NSMCE2: variants seen among roughly 807,000 people sequenced by gnomAD.
NSMCE2 encodes NSE2 SUMO ligase component of SMC5/6 complex.
In NSMCE2, 24 loss-of-function variants were observed where a neutral mutation model predicts 23.8. That is an observed-to-expected ratio of 1.01 (90% CI 0.73 to 1.42). NSMCE2 has a LOEUF of 1.42. Among genes scored for constraint, NSMCE2 ranks in the 40% most tolerant of loss-of-function variants. The pLI, the probability that NSMCE2 is intolerant of heterozygous loss-of-function variation, is 0.00. For synonymous variants in NSMCE2, 92 were observed against 94.1 expected, an observed-to-expected ratio of 0.98 and a Z score of 0.13; for missense variants, 284 against 296.5, an observed-to-expected ratio of 0.96 and a Z score of 0.31.
intron 5 of NSMCE2, among the ~76,000 whole-genome samples, chr8:125,195,181 C>A (rs984491360): frequency 1.3e-5 from 2 of 152,062 alleles, no homozygotes; most frequent in African/African-American, 4.8e-5. Context: ...TCACCCATCC[C>A]TAGGCGTCAA....
At chr8:125,342,012 C>G (rs1267174866) in intron 5 of NSMCE2, among the ~76,000 whole-genome samples, 1 of 151,850 alleles carries the variant, frequency 6.6e-6, no homozygotes, top group East Asian at 1.9e-4. Context: ...ATGTTAATTG[C>G]CTCAGGTGGT....
intron 5 of NSMCE2, among the ~76,000 whole-genome samples, chr8:125,318,046 CAT>C (rs1338866998): frequency 6.6e-6 from 1 of 152,046 alleles, no homozygotes; most frequent in Admixed American, 6.6e-5. Flanking sequence ...AATGAAAGCA[CAT>C]AGTTTCAGAA....
In NSMCE2 at chr8:125,257,753, C is replaced by G. The variant is rs184912828; in HGVS notation, c.418+75497C>G. 5.4e-3 allele frequency among the ~76,000 whole-genome samples: 818 copies of G among 152,146 alleles called. 5 individuals carry two copies. The highest frequency in any genetic ancestry group is 9.8e-3 in the Non-Finnish European group (669 of 67,974). On this transcript the variant is annotated intron_variant, in intron 5 of 7. Coordinates refer to ENST00000287437, the MANE Select transcript of NSMCE2 (RefSeq NM_173685.4). ...GTTTCATTGTGTTAGCCAGGATGGTCTCGATCTCCTGACTTCATTATCCGC... is the reference window on the plus strand; with the variant it reads ...GTTTCATTGTGTTAGCCAGGATGGTGTCGATCTCCTGACTTCATTATCCGC...
At chr8:125,098,325 A>G (rs1238248869) in intron 1 of NSMCE2, among the ~76,000 whole-genome samples, 1 of 152,206 alleles carries the variant, frequency 6.6e-6, no homozygotes, top group Non-Finnish European at 1.5e-5. Flanking sequence ...ACAAGTTCAT[A>G]GGTGATGCTG....
chr8:125,358,074 T>G (rs1813361992), intron 7 of NSMCE2, among the ~76,000 whole-genome samples: 1 of 152,210 alleles, frequency 6.6e-6, no homozygotes. Context: ...GGCTCATGCC[T>G]GTAATCCTAG....
chr8:125,231,676 TCAC>T, intron 5 of NSMCE2, among the ~76,000 whole-genome samples: 2 of 152,316 alleles, frequency 1.3e-5, no homozygotes, highest in African/African-American at 2.4e-5. Flanking sequence ...AAATTTTTTT[TCAC>T]TTAAACATAC....
At chr8:125,342,024 G>C (rs1830272383) in intron 5 of NSMCE2, among the ~76,000 whole-genome samples, 1 of 152,164 alleles carries the variant, frequency 6.6e-6, no homozygotes, top group Non-Finnish European at 1.5e-5. Flanking sequence ...TCAGGTGGTG[G>C]GGGGGTTAAG....
intron 5 of NSMCE2, among the ~76,000 whole-genome samples, chr8:125,316,709 T>TC (rs375833656): frequency 0.29 from 31,445 of 109,828 alleles, 5,889 homozygotes; most frequent in Middle Eastern, 0.39. Flanking sequence ...CTTCCTTCCT[T>TC]CTTTCCTTCT....
intron 5 of NSMCE2, among the ~76,000 whole-genome samples, chr8:125,240,784 T>G (rs1013403251): frequency 2.6e-5 from 4 of 152,286 alleles, no homozygotes; most frequent in Non-Finnish European, 4.4e-5. Flanking sequence ...AACAGTAATA[T>G]TTCTTAAATT....
intron 5 of NSMCE2, among the ~76,000 whole-genome samples, chr8:125,327,682 G>T (rs1161297597): frequency 1.5e-5 from 2 of 133,446 alleles, no homozygotes; most frequent in Admixed American, 1.5e-4. Context: ...AATAAAAGGT[G>T]TTAAAAGTAA....
At chr8:125,308,026 AAC>A (rs1828830415) in intron 5 of NSMCE2, among the ~76,000 whole-genome samples, 1 of 152,088 alleles carries the variant, frequency 6.6e-6, no homozygotes, top group South Asian at 2.1e-4. Context: ...CCCCTGTGGA[AAC>A]AGTCTGCCTG....
At chr8:125,187,599 A>G (rs1056636141) in intron 5 of NSMCE2, among the ~76,000 whole-genome samples, 2 of 152,158 alleles carry the variant, frequency 1.3e-5, no homozygotes, top group African/African-American at 2.4e-5. Flanking sequence ...TCATCAAGCA[A>G]TCTTTCTGGC....
At chr8:125,244,109 A>G (rs1474266583) in intron 5 of NSMCE2, among the ~76,000 whole-genome samples, 1 of 152,190 alleles carries the variant, frequency 6.6e-6, no homozygotes, top group Non-Finnish European at 1.5e-5. Flanking sequence ...CTAATGATAA[A>G]TGATTCCTCA....
intron 5 of NSMCE2, among the ~76,000 whole-genome samples, chr8:125,295,553 C>T (rs1423988865): frequency 1.3e-5 from 2 of 152,172 alleles, no homozygotes; most frequent in African/African-American, 4.8e-5. Context: ...TTGGGCTGCA[C>T]ACCCCTGTCT....
intron 3 of NSMCE2, among the ~76,000 whole-genome samples, chr8:125,137,897 A>G (rs1042798413): frequency 1.1e-4 from 16 of 152,234 alleles, no homozygotes; most frequent in Admixed American, 6.5e-5. Context: ...GAGATGATGC[A>G]TGTAAATTGC....
intron 5 of NSMCE2, among the ~76,000 whole-genome samples, chr8:125,226,937 T>C (rs1327701041): frequency 6.6e-6 from 1 of 152,054 alleles, no homozygotes; most frequent in Non-Finnish European, 1.5e-5. Flanking sequence ...TTTTGTGTCC[T>C]TCCCCAACCC....
rs755958770 is a variant in NSMCE2, at chr8:125,366,831, A to G, written c.690A>G (p.Ala230=). 1.7e-5 allele frequency: 28 copies of G among 1,613,676 alleles called. No individual in the cohort carries two copies. The highest frequency in any genetic ancestry group is 2.3e-5 in the Non-Finnish European group (27 of 1,179,670). Residue 230 remains alanine, a synonymous_variant, in exon 8 of 8, where the codon GCA becomes GCG. Coordinates refer to ENST00000287437, the MANE Select transcript of NSMCE2 (RefSeq NM_173685.4). ...IRKSDLIQDE[A]LRRAIENHNK... is the part of the protein sequence containing the mutation. ...AGTCAGATCTTATCCAGGATGAAGC[A>G]CTTAGAAGGGCAATTGAGAACCATA...
intron 5 of NSMCE2, among the ~76,000 whole-genome samples, chr8:125,285,983 A>G (rs1420337471): frequency 6.6e-6 from 1 of 151,808 alleles, no homozygotes; most frequent in Admixed American, 6.6e-5. Flanking sequence ...GTACCTTGGA[A>G]TCCCATTTTT....
At chr8:125,132,457 G>C (rs746362978) in intron 3 of NSMCE2, among the ~76,000 whole-genome samples, 2 of 151,296 alleles carry the variant, frequency 1.3e-5, no homozygotes, top group Non-Finnish European at 1.5e-5. Context: ...CTAAGGAGAG[G>C]CATGTATCTT....
Sources: gnomAD v4.1 joint callset for allele counts (sites outside exome capture counted in the v4.1 genomes callset) on GRCh38, gnomAD v4.1.1 for gene constraint, MANE v1.5 for transcripts, NCBI Gene and HGNC (gene_info 2026-07-23, HGNC 2026-07-21) for gene names.